The following SMC6 variants were observed in gnomAD, a reference collection of about 807,000 sequenced individuals.
The protein encoded by SMC6 is structural maintenance of chromosomes protein 6.
SMC6 carries 79 observed loss-of-function variants against 142.2 expected under a neutral mutation model. The observed-to-expected ratio is 0.56, with a 90% CI of 0.46 to 0.67. SMC6 has a LOEUF of 0.67. Among genes scored for constraint, SMC6 ranks in the 30% least tolerant of loss-of-function variants. The probability of loss-of-function intolerance (pLI) is 0.00; values close to 1 mark genes in which losing one functional copy is unlikely to be tolerated. For synonymous variants in SMC6, 411 were observed against 412.4 expected (o/e 1.00, Z 0.04); for missense variants, 1,072 against 1,284.0 (o/e 0.83, Z 2.52).
chr2:17,713,455 G>T, intron 16 of SMC6: 1 of 470,674 alleles, frequency 2.1e-6, no homozygotes, highest in Non-Finnish European at 4.4e-6. Flanking sequence ...GTGGCTAAGT[G>T]ATTAGAAGCA....
Position 17,718,211 on chromosome 2 carries a change from CA to C in SMC6, c.957del (p.Asn319LysfsTer14). On this transcript the variant is annotated frameshift_variant, in exon 12 of 28. Transcript: ENST00000448223. LOFTEE classifies it high-confidence loss of function. ...ATATCCTTGTACTTTTGTTCTGCCT[CA>C]TTAAGTCTGACCTTTAAGAAAATAA... Reference protein sequence around the residue: ...RKMEEQQVRLNEAEQKYKDIQ... With the variant: ...RKMEEQQVRLXEAEQKYKDIQ... 1 of 1,598,380 alleles carries C rather than the reference CA, an allele frequency of 6.3e-7. No homozygotes were observed. The highest frequency in any genetic ancestry group is 8.5e-7 in the Non-Finnish European group (1 of 1,172,936).
At chr2:17,696,930 C>T (rs1393950947) in intron 21 of SMC6, among the ~76,000 whole-genome samples, 1 of 151,954 alleles carries the variant, frequency 6.6e-6, no homozygotes, top group African/African-American at 2.4e-5. Context: ...GGTAAAGATG[C>T]ATACTATAAT....
At chr2:17,713,369 C>G in intron 16 of SMC6, 1 of 421,000 alleles carries the variant, frequency 2.4e-6, no homozygotes, top group East Asian at 7.5e-5. Flanking sequence ...CCCTTGTTCT[C>G]AGCACATAAA....
At chr2:17,750,026 T>C (rs1158019833) in intron 2 of SMC6, among the ~76,000 whole-genome samples, 2 of 152,192 alleles carry the variant, frequency 1.3e-5, no homozygotes, top group African/African-American at 4.8e-5. Context: ...CTTAATTAAG[T>C]ACACTGCTTG....
In SMC6 at chr2:17,700,299, T is replaced by A. The variant is rs765890345; in HGVS notation, c.2303A>T (p.His768Leu). Residue 768 changes from histidine to leucine, a missense_variant, in exon 21 of 28, where the codon CAT becomes CTT. By Grantham distance (99) the His-to-Leu change is moderately conservative. Coordinates refer to ENST00000448223, the MANE Select transcript of SMC6 (RefSeq NM_001142286.2). The stretch of plus-strand genomic sequence containing the variant: ...TGCTTCTATTTTCAGACTTTTAAGA[T>A]GCTCCATATTTTCTTTTTGTTGCTC... ...HMEQQKENMEHLKSLKIEAEN... is the reference protein window; with the variant it reads ...HMEQQKENMELLKSLKIEAEN... 2 of 1,611,674 alleles carry A rather than the reference T, an allele frequency of 1.2e-6. No individual in the cohort carries two copies. Among genetic ancestry groups the A allele is most frequent in the Admixed American group, 1.7e-5 (1 of 59,788 alleles).
At chr2:17,696,220 G>A in intron 22 of SMC6, 69 bp downstream of exon 22, 8 of 1,525,828 alleles carry the variant, frequency 5.2e-6, no homozygotes, top group Middle Eastern at 2.4e-4. Context: ...CATGACATTA[G>A]GGAAAACACA....
chr2:17,692,388 C>T (rs1241355149), intron 23 of SMC6, among the ~76,000 whole-genome samples: 1 of 152,148 alleles, frequency 6.6e-6, no homozygotes, highest in Non-Finnish European at 1.5e-5. Context: ...ATAGAGCCCT[C>T]AGAAATAATG....
chr2:17,717,215 A>G (rs760789045), intron 12 of SMC6, 39 bp from the exon 13 acceptor site: 1 of 1,461,904 alleles, frequency 6.8e-7, no homozygotes, highest in South Asian at 1.2e-5. Context: ...AAAAATGAAA[A>G]CACAAATATC....
chr2:17,682,781 G>A (rs1387252678), intron 24 of SMC6, among the ~76,000 whole-genome samples: 1 of 151,956 alleles, frequency 6.6e-6, no homozygotes, highest in Non-Finnish European at 1.5e-5. Context: ...GGGTAAAAAT[G>A]GGTCCTATTT....
intron 16 of SMC6, chr2:17,713,267 T>C (rs1315015083): frequency 6.1e-6 from 2 of 327,518 alleles, no homozygotes; most frequent in Admixed American, 8.3e-5. Context: ...GGCTTTTGTA[T>C]CTTAAGCAGA....
At chr2:17,697,624 T>C (rs1668067145) in intron 21 of SMC6, among the ~76,000 whole-genome samples, 1 of 151,772 alleles carries the variant, frequency 6.6e-6, no homozygotes, top group Non-Finnish European at 1.5e-5. Context: ...ATAAGGAAAA[T>C]GCAAATCAAA....
chr2:17,697,451 T>C (rs756841763), intron 21 of SMC6, among the ~76,000 whole-genome samples: 9 of 151,926 alleles, frequency 5.9e-5, no homozygotes, highest in Non-Finnish European at 7.4e-5. Context: ...TACTATACCA[T>C]GAAAAACAGC....
chr2:17,684,369 A>T (rs1405406563), intron 23 of SMC6, among the ~76,000 whole-genome samples: 2 of 152,202 alleles, frequency 1.3e-5, no homozygotes, highest in Non-Finnish European at 1.5e-5. Flanking sequence ...AATTCAACTA[A>T]TTAAAAAAAT....
At chr2:17,734,212 G>A (rs1028869504) in intron 5 of SMC6, among the ~76,000 whole-genome samples, 1 of 152,038 alleles carries the variant, frequency 6.6e-6, no homozygotes, top group Non-Finnish European at 1.5e-5. Context: ...GTTCTTACAG[G>A]GTCTCAGTCT....
In SMC6 at chr2:17,668,690, TA is replaced by T; in HGVS notation, c.3063+1732del. The stretch of plus-strand genomic sequence containing the variant: ...GGGTATGGTGGTCACAGAAGTCTCA[TA>T]AAAGTGGCATTTGAACAATGTCCTG... On this transcript the variant is annotated intron_variant, in intron 26 of 27. Transcript: ENST00000448223. Among the ~76,000 whole-genome samples, 3 of 152,232 alleles carry T rather than the reference TA, an allele frequency of 2.0e-5. No homozygotes were observed. In the East Asian group the frequency reaches 5.8e-4, roughly 29 times the overall value.
At position 17,695,244 on chromosome 2, in the gene SMC6, T is replaced by C. The variant is rs750553094; in HGVS notation, c.2586A>G (p.Lys862=). ...TTTCTTTGTCCAGAATTGATGCAGA[T>C]TTTTCTACTTCTATACGCTCTGGGC... is the stretch of plus-strand genomic sequence containing the variant. ...QICPERIEVE[K]SASILDKEIN... Residue 862 remains lysine (K), a synonymous_variant, in exon 23 of 28, where the codon AAA becomes AAG. Transcript: ENST00000448223. 1.9e-6 allele frequency: 3 copies of C among 1,613,530 alleles called. No individual in the cohort carries two copies. In the Admixed American group the frequency reaches 5.0e-5, roughly 27 times the overall value.
chr2:17,683,794 A>G, intron 23 of SMC6, 31 bp from the exon 24 acceptor site: 1 of 1,588,552 alleles, frequency 6.3e-7, no homozygotes, highest in Non-Finnish European at 8.6e-7. Context: ...TACGTAAAAA[A>G]TACACCACAC....
chr2:17,691,233 T>C (rs1386958214), intron 23 of SMC6, among the ~76,000 whole-genome samples: 4 of 123,162 alleles, frequency 3.2e-5, no homozygotes, highest in East Asian at 2.6e-4. Context: ...AAAATGTGTA[T>C]ACACACACAC....
Position 17,695,316 on chromosome 2 carries a change from A to G in SMC6, c.2533-19T>C, listed in dbSNP as rs999703337. 10 of 1,605,956 alleles carry G rather than the reference A, an allele frequency of 6.2e-6. No homozygotes were observed. Among genetic ancestry groups the G allele is most frequent in the South Asian group, 1.1e-5 (1 of 89,500 alleles). On this transcript the variant is annotated intron_variant, in intron 22 of 27. Transcript: ENST00000448223. ...TTTTCTCCTAAGAAAGTAGATGTTT[A>G]TATCTTTAAAACTCTTCTTTGATAT... is the stretch of plus-strand genomic sequence containing the variant.
Sources: gnomAD v4.1 joint callset for allele counts (sites outside exome capture counted in the v4.1 genomes callset) on GRCh38, gnomAD v4.1.1 for gene constraint, MANE v1.5 for transcripts, NCBI Gene and HGNC (gene_info 2026-07-23, HGNC 2026-07-21) for gene names.